The following TGFA variants were observed in gnomAD, a reference collection of about 807,000 sequenced individuals.
TGFA encodes protransforming growth factor alpha.
A neutral mutation model predicts 21.7 loss-of-function variants in TGFA; 12 were observed. That is an observed-to-expected ratio of 0.55 (90% CI 0.35 to 0.90). The LOEUF (loss-of-function observed/expected upper bound fraction) is 0.90, where lower values mean the gene tolerates loss of function less well. Ranked by LOEUF, TGFA falls within the 40% of genes least tolerant of loss-of-function variation. The probability of loss-of-function intolerance (pLI) is 0.01; values close to 1 mark genes in which losing one functional copy is unlikely to be tolerated. For missense variants in TGFA, 178 were observed against 210.8 expected (o/e 0.84, Z 0.96); for synonymous variants, 79 against 88.1 (o/e 0.90, Z 0.58).
At chr2:70,495,730 G>A (rs1671554617) in intron 2 of TGFA, among the ~76,000 whole-genome samples, 2 of 152,072 alleles carry the variant, frequency 1.3e-5, no homozygotes, top group Admixed American at 1.3e-4. Flanking sequence ...ATTCTTTTAA[G>A]TGTATAATAT....
At chr2:70,477,108 T>G (rs1390904930) in intron 2 of TGFA, among the ~76,000 whole-genome samples, 3 of 152,246 alleles carry the variant, frequency 2.0e-5, no homozygotes, top group African/African-American at 4.8e-5. Context: ...TTTTTATTGT[T>G]AGTGTTTTAT....
chr2:70,546,092 T>G (rs1404469180), intron 1 of TGFA, among the ~76,000 whole-genome samples: 1 of 152,132 alleles, frequency 6.6e-6, no homozygotes, highest in East Asian at 1.9e-4. Context: ...ATCAAGAAAG[T>G]GAGAGAAAAG....
At chr2:70,501,360 G>A (rs1042273561) in intron 2 of TGFA, among the ~76,000 whole-genome samples, 2 of 151,634 alleles carry the variant, frequency 1.3e-5, no homozygotes, top group South Asian at 4.2e-4. Context: ...CTGGCAGACA[G>A]TCATTTAATT....
At chr2:70,454,404 G>A (rs576174209) in intron 4 of TGFA, among the ~76,000 whole-genome samples, 2 of 152,246 alleles carry the variant, frequency 1.3e-5, no homozygotes, top group South Asian at 2.1e-4. Flanking sequence ...TGTTACAGGT[G>A]AAAACCGGGA....
At position 70,451,132 on chromosome 2, in the gene TGFA, G is replaced by GT. The variant is rs782109713; in HGVS notation, c.476-267_476-266insA. 2.8e-4 allele frequency among the ~76,000 whole-genome samples: 42 copies of GT among 151,626 alleles called. No homozygotes were observed. In the East Asian group the frequency reaches 5.6e-3, roughly 20 times the overall value. ...GCAGAAGGAAGGCAGATGGGGGGGA[G>GT]CGGGGGGATGCCCCCTGTTGTGAGG... On this transcript the variant is annotated intron_variant, in intron 5 of 5. Transcript: ENST00000295400.
rs1670114774 is a variant in TGFA, at chr2:70,453,202, A to T, written c.475+16T>A. ...TCCACCCAATAGTGTCTCCCACCAG[A>T]GAAGAGTCTCCTTACCTGTTTCTGA... is the stretch of plus-strand genomic sequence containing the variant. On this transcript the variant is annotated intron_variant, in intron 5 of 5. Transcript: ENST00000295400. The T allele has an allele frequency of 1.2e-6, 2 of 1,608,260 alleles. No homozygotes were observed. The highest frequency in any genetic ancestry group is 1.7e-6 in the Non-Finnish European group (2 of 1,175,188).
intron 2 of TGFA, among the ~76,000 whole-genome samples, chr2:70,494,339 G>C (rs1671518948): frequency 6.6e-6 from 1 of 152,174 alleles, no homozygotes; most frequent in African/African-American, 2.4e-5. Flanking sequence ...GAGAATATGA[G>C]TTGGACATCT....
intron 2 of TGFA, among the ~76,000 whole-genome samples, chr2:70,499,971 A>T (rs1347229119): frequency 1.3e-5 from 2 of 152,278 alleles, no homozygotes; most frequent in African/African-American, 4.8e-5. Context: ...GGTGAAATTG[A>T]TTTGAATAAT....
intron 2 of TGFA, among the ~76,000 whole-genome samples, chr2:70,484,286 C>T (rs2103765386): frequency 6.6e-6 from 1 of 152,286 alleles, no homozygotes; most frequent in South Asian, 2.1e-4. Context: ...CTGAGATTTC[C>T]AGAAAATATA....
chr2:70,522,944 C>T (rs563326955), intron 1 of TGFA, among the ~76,000 whole-genome samples: 2 of 152,292 alleles, frequency 1.3e-5, no homozygotes, highest in South Asian at 4.2e-4. Context: ...TTCCAATTCT[C>T]AAAAGCCATT....
chr2:70,456,075 C>T (rs557674889), intron 4 of TGFA, among the ~76,000 whole-genome samples: 4 of 152,256 alleles, frequency 2.6e-5, no homozygotes, highest in African/African-American at 4.8e-5. Flanking sequence ...GTGGAAAGAA[C>T]GAGCATGCCT....
intron 1 of TGFA, among the ~76,000 whole-genome samples, chr2:70,515,833 C>A (rs1672257466): frequency 6.6e-6 from 1 of 152,282 alleles, no homozygotes; most frequent in South Asian, 2.1e-4. Flanking sequence ...ACCACGGGAA[C>A]AAAGCCTCTA....
At chr2:70,494,909 G>A (rs148208393) in intron 2 of TGFA, among the ~76,000 whole-genome samples, 121 of 152,138 alleles carry the variant, frequency 8.0e-4, no homozygotes, top group African/African-American at 2.6e-3. Flanking sequence ...TAGCAAATAC[G>A]GATTTTATTT....
At chr2:70,514,729 A>G in intron 2 of TGFA, 130 bp downstream of exon 2, 1 of 971,366 alleles carries the variant, frequency 1.0e-6, no homozygotes, top group Non-Finnish European at 1.6e-6. Context: ...AGGAGGGGGC[A>G]GAGAGGACTC....
At chr2:70,460,702 G>A (rs1553491356) in intron 3 of TGFA, among the ~76,000 whole-genome samples, 1 of 152,188 alleles carries the variant, frequency 6.6e-6, no homozygotes, top group East Asian at 1.9e-4. Context: ...GAGGGCTGGA[G>A]TATGGTCAGC....
chr2:70,484,139 T>C (rs539540358), intron 2 of TGFA, among the ~76,000 whole-genome samples: 1 of 152,348 alleles, frequency 6.6e-6, no homozygotes, highest in South Asian at 2.1e-4. Context: ...ATAGCACATA[T>C]AGATATCAAC....
chr2:70,534,794 C>T (rs782726608), intron 1 of TGFA, among the ~76,000 whole-genome samples: 1 of 152,126 alleles, frequency 6.6e-6, no homozygotes, highest in Non-Finnish European at 1.5e-5. Context: ...GTAAATATGT[C>T]GGAGAGTGGC....
chr2:70,453,555 C>T (rs530453246), intron 4 of TGFA, among the ~76,000 whole-genome samples: 4 of 152,314 alleles, frequency 2.6e-5, no homozygotes, highest in African/African-American at 9.6e-5. Context: ...CTGTTGGCTA[C>T]CCTAAAGTAT....
chr2:70,467,705 G>T (rs568789995), intron 2 of TGFA: 10 of 152,260 alleles, frequency 6.6e-5, no homozygotes, highest in Admixed American at 6.5e-4. Context: ...CTCTGAGAAA[G>T]GACAGAACAT....
Sources: gnomAD v4.1 joint callset for allele counts (sites outside exome capture counted in the v4.1 genomes callset) on GRCh38, gnomAD v4.1.1 for gene constraint, MANE v1.5 for transcripts, NCBI Gene and HGNC (gene_info 2026-07-23, HGNC 2026-07-21) for gene names.